Variants in STK40 observed in about 807,000 individuals in gnomAD.
STK40 encodes the protein serine/threonine kinase 40.
In STK40, 13 loss-of-function variants were observed where a neutral mutation model predicts 47.9. That is an observed-to-expected ratio of 0.27 (90% CI 0.18 to 0.43). STK40 has a LOEUF of 0.43. Among genes scored for constraint, STK40 ranks in the 20% least tolerant of loss-of-function variants. STK40 has a pLI of 1.00. For missense variants in STK40, 460 were observed against 595.1 expected (o/e 0.77, Z 2.36); for synonymous variants, 225 against 243.2 (o/e 0.93, Z 0.69).
At chr1:36,342,909 CT>C (rs1277129925) in intron 10 of STK40, 4 of 477,716 alleles carry the variant, frequency 8.4e-6, no homozygotes, top group Non-Finnish European at 1.5e-5. Context: ...CACCTGCCCT[CT>C]GCTGCCTGGT....
At chr1:36,347,705 T>A (rs1570436861) in intron 7 of STK40, among the ~76,000 whole-genome samples, 1 of 150,046 alleles carries the variant, frequency 6.7e-6, no homozygotes, top group Non-Finnish European at 1.5e-5. Flanking sequence ...CAGGCTGGAG[T>A]GCAGTGGCAC....
intron 2 of STK40, among the ~76,000 whole-genome samples, chr1:36,360,556 G>A (rs561303049): frequency 6.7e-6 from 1 of 148,658 alleles, no homozygotes; most frequent in Non-Finnish European, 1.5e-5. Flanking sequence ...TTTTTTTAGA[G>A]AGAGAGTCTC....
intron 4 of STK40, among the ~76,000 whole-genome samples, chr1:36,355,726 G>A (rs551838905): frequency 1.8e-4 from 28 of 152,314 alleles, no homozygotes; most frequent in Middle Eastern, 6.8e-3. Flanking sequence ...ATCAGGTCTG[G>A]GCATTTAGAG....
At chr1:36,351,565 C>T (rs79830874) in intron 6 of STK40, among the ~76,000 whole-genome samples, 1 of 152,292 alleles carries the variant, frequency 6.6e-6, no homozygotes, top group East Asian at 1.9e-4. Context: ...CCTCTGTCTG[C>T]CCTGAGACAC....
chr1:36,345,983 A>AT (rs1242799312), intron 7 of STK40, among the ~76,000 whole-genome samples: 1 of 9,724 alleles, frequency 1.0e-4, no homozygotes, highest in South Asian at 7.2e-3. Context: ...ATATATATAT[A>AT]TATATATATT....
chr1:36,385,375 G>A (rs1396980062), intron 1 of STK40, among the ~76,000 whole-genome samples: 1 of 152,242 alleles, frequency 6.6e-6, no homozygotes, highest in African/African-American at 2.4e-5. Context: ...AGGGAAACAC[G>A]GAGAGGCAGA....
intron 7 of STK40, among the ~76,000 whole-genome samples, chr1:36,348,109 A>T (rs1391079232): frequency 3.3e-5 from 5 of 152,280 alleles, no homozygotes; most frequent in African/African-American, 4.8e-5. Flanking sequence ...TAACAGAATG[A>T]ATGAACACAG....
In STK40 at chr1:36,344,415, CCT is replaced by C. The variant is rs143065200; in HGVS notation, c.740-153_740-152del. The C allele has an allele frequency of 7.3e-3, 7,393 of 1,019,558 alleles. 376 individuals are homozygous for C. The African/African-American group carries it at 0.11, about 15-fold the overall frequency. The allele number at this position is 1,019,558 out of a possible 1,614,324, so 63.2% of individuals were successfully genotyped here. A position where few individuals can be genotyped will look rare whatever the true frequency, so the allele number is the denominator to read the frequency against. On this transcript the variant is annotated intron_variant, in intron 7 of 10. Coordinates refer to ENST00000373132, the MANE Select transcript of STK40 (RefSeq NM_001282547.2). ...AGCTCCTGCCCGTGCTCCCCGCTCC[CCT>C]GTTCCTCAGGATGCACCTCTCCTGC... is the stretch of plus-strand genomic sequence containing the variant.
chr1:36,347,297 T>C (rs891253663), intron 7 of STK40, among the ~76,000 whole-genome samples: 7 of 152,132 alleles, frequency 4.6e-5, no homozygotes, highest in Non-Finnish European at 1.0e-4. Context: ...GTTCTCCATG[T>C]TGGAGGGATG....
chr1:36,346,205 A>G (rs1464602574), intron 7 of STK40, among the ~76,000 whole-genome samples: 1 of 151,522 alleles, frequency 6.6e-6, no homozygotes, highest in African/African-American at 2.4e-5. Context: ...TGAGTTAACG[A>G]GGATGGTCTC....
intron 1 of STK40, among the ~76,000 whole-genome samples, chr1:36,369,803 AGCCCACT>A (rs1467647785): frequency 6.6e-6 from 1 of 152,194 alleles, no homozygotes; most frequent in African/African-American, 2.4e-5. Flanking sequence ...CCCTGCACCC[AGCCCACT>A]GCCTGGCGCA....
chr1:36,357,977 A>G (rs926669715), intron 4 of STK40, among the ~76,000 whole-genome samples: 6 of 152,106 alleles, frequency 3.9e-5, no homozygotes, highest in Non-Finnish European at 8.8e-5. Flanking sequence ...TGGCTCTTCA[A>G]AGAAAGCCTG....
At chr1:36,370,065 C>T (rs1646932469) in intron 1 of STK40, among the ~76,000 whole-genome samples, 2 of 152,242 alleles carry the variant, frequency 1.3e-5, no homozygotes, top group Admixed American at 1.3e-4. Context: ...GTAACTGGGG[C>T]TGCACTGGAT....
At chr1:36,383,991 C>A (rs1031207888) in intron 1 of STK40, among the ~76,000 whole-genome samples, 1 of 151,920 alleles carries the variant, frequency 6.6e-6, no homozygotes, top group Non-Finnish European at 1.5e-5. Context: ...ACTGGGCTCC[C>A]ACAGTACTCT....
intron 1 of STK40, among the ~76,000 whole-genome samples, chr1:36,373,144 G>C (rs1465938986): frequency 6.6e-6 from 1 of 152,140 alleles, no homozygotes; most frequent in Non-Finnish European, 1.5e-5. Flanking sequence ...AGGGGCCTCA[G>C]TTTCCTCATC....
Position 36,354,408 on chromosome 1 carries a change from G to A in STK40, c.579C>T (p.Ile193=), listed in dbSNP as rs376872744. 1.1e-5 allele frequency: 18 copies of A among 1,613,902 alleles called. No homozygotes were observed. The highest frequency in any genetic ancestry group is 5.0e-5 in the Admixed American group (3 of 59,984). The stretch of plus-strand genomic sequence containing the variant: ...TCCCCAGCTTCAGGTCTCTGTGCAC[G>A]ATATTTTTCTGTAAAACAACAGGCG... ...RVVEALHQKN[I]VHRDLKLGNM... is the part of the protein sequence containing the mutation. Residue 193 remains isoleucine, a synonymous_variant, in exon 6 of 11, where the codon ATC becomes ATT. Coordinates refer to ENST00000373132, the MANE Select transcript of STK40 (RefSeq NM_001282547.2).
chr1:36,368,982 C>A (rs572622705), intron 1 of STK40, among the ~76,000 whole-genome samples: 1 of 152,188 alleles, frequency 6.6e-6, no homozygotes, highest in Non-Finnish European at 1.5e-5. Context: ...ATCCAGCCTG[C>A]TCGAATAGCT....
intron 2 of STK40, 52 bp downstream of exon 2, chr1:36,361,169 C>T: frequency 6.2e-7 from 1 of 1,603,262 alleles, no homozygotes; most frequent in East Asian, 2.2e-5. Flanking sequence ...AGCCAATGTG[C>T]CCTGCCCCTG....
At chr1:36,378,546 C>T (rs907390146) in intron 1 of STK40, among the ~76,000 whole-genome samples, 8 of 152,064 alleles carry the variant, frequency 5.3e-5, no homozygotes, top group Non-Finnish European at 8.8e-5. Flanking sequence ...GCAACCTCCG[C>T]CTCCTGGGTT....
Sources: allele counts gnomAD v4.1 joint callset (sites outside exome capture counted in the v4.1 genomes callset), GRCh38; gene constraint gnomAD v4.1.1; transcripts MANE v1.5; gene names NCBI Gene and HGNC (gene_info 2026-07-23, HGNC 2026-07-21).